The following ARHGAP18 variants were observed in gnomAD, a reference collection of about 807,000 sequenced individuals.
ARHGAP18 encodes the protein Rho GTPase activating protein 18.
A neutral mutation model predicts 86.2 loss-of-function variants in ARHGAP18; 67 were observed. The ratio of observed to expected loss-of-function variants is 0.78; its 90% CI spans 0.64 to 0.95. The LOEUF is 0.95. Among genes scored for constraint, ARHGAP18 ranks in the 40% least tolerant of loss-of-function variants. The probability of loss-of-function intolerance (pLI) is 0.00; values close to 1 mark genes in which losing one functional copy is unlikely to be tolerated. For missense variants in ARHGAP18, 691 were observed against 780.4 expected, an observed-to-expected ratio of 0.89 and a Z score of 1.37; for synonymous variants, 283 against 280.4, an observed-to-expected ratio of 1.01 and a Z score of -0.09.
intron 1 of ARHGAP18, among the ~76,000 whole-genome samples, chr6:129,706,058 A>G (rs964815536): frequency 1.3e-5 from 2 of 152,242 alleles, no homozygotes; most frequent in African/African-American, 4.8e-5. Flanking sequence ...CTCACTCATC[A>G]GTCCATTCAG....
At chr6:129,632,265 G>A (rs1274269182) in intron 4 of ARHGAP18, among the ~76,000 whole-genome samples, 1 of 152,164 alleles carries the variant, frequency 6.6e-6, no homozygotes, top group Non-Finnish European at 1.5e-5. Context: ...ACATTCTCTT[G>A]TTATTCTGAT....
intron 1 of ARHGAP18, among the ~76,000 whole-genome samples, chr6:129,681,773 A>G (rs1484743702): frequency 1.3e-5 from 2 of 152,266 alleles, no homozygotes; most frequent in Admixed American, 1.3e-4. Flanking sequence ...ACTGTGAGAC[A>G]GTCCAAAGAC....
chr6:129,625,233 G>T (rs1355625106), intron 5 of ARHGAP18, among the ~76,000 whole-genome samples: 1 of 62,304 alleles, frequency 1.6e-5, no homozygotes, highest in East Asian at 4.5e-4. Context: ...TATGATATAT[G>T]ATATATATTT....
intron 8 of ARHGAP18, among the ~76,000 whole-genome samples, chr6:129,610,196 G>A (rs1466926891): frequency 6.6e-6 from 1 of 152,216 alleles, no homozygotes; most frequent in Non-Finnish European, 1.5e-5. Context: ...AGTAGTTAAT[G>A]GCTGCTTCCA....
At position 129,625,428 on chromosome 6, in the gene ARHGAP18, T is replaced by G. The variant is rs181338724; in HGVS notation, c.786+3925A>C. Among the ~76,000 whole-genome samples the G allele has an allele frequency of 1.0e-4, 4 of 39,462 alleles. 1 individual carries two copies. The highest frequency in any genetic ancestry group is 1.3e-4 in the Non-Finnish European group (3 of 23,726). The allele number at this position is 39,462 out of a possible 152,430, so 25.9% of individuals were successfully genotyped here. On this transcript the variant is annotated intron_variant, in intron 5 of 14. Transcript: ENST00000368149. Reference sequence around the variant, plus strand: ...ATTATATATTATATATAATATATATTATATATAATATATATTTTATATTAT... The same window carrying G: ...ATTATATATTATATATAATATATATGATATATAATATATATTTTATATTAT...
At position 129,649,137 on chromosome 6, in the gene ARHGAP18, A is replaced by G. The variant is rs139479027; in HGVS notation, c.114-7119T>C. On this transcript the variant is annotated intron_variant, in intron 1 of 14. Transcript: ENST00000368149. ...ATCTCTTCTATCTGACTCAAATGCT[A>G]TAGTCTTAAGGATGTACTGAATTTC... Among the ~76,000 whole-genome samples the G allele has an allele frequency of 2.8e-4, 42 of 152,360 alleles. No homozygotes were observed. In the East Asian group the frequency reaches 7.3e-3, roughly 27 times the overall value.
chr6:129,618,900 C>G, intron 5 of ARHGAP18, 48 bp from the exon 6 acceptor site: 1 of 1,510,100 alleles, frequency 6.6e-7, no homozygotes, highest in Non-Finnish European at 9.0e-7. Flanking sequence ...TACCTAACCT[C>G]CATTGTAATG....
intron 1 of ARHGAP18, among the ~76,000 whole-genome samples, chr6:129,674,301 T>C (rs1433254777): frequency 6.6e-6 from 1 of 152,200 alleles, no homozygotes; most frequent in Non-Finnish European, 1.5e-5. Context: ...TGAATGTCAC[T>C]TAATCTTTCT....
intron 1 of ARHGAP18, among the ~76,000 whole-genome samples, chr6:129,658,564 T>C (rs978754544): frequency 1.3e-4 from 20 of 152,174 alleles, no homozygotes; most frequent in African/African-American, 4.6e-4. Context: ...GACATCAGGG[T>C]TGAGGATGCA....
chr6:129,581,706 T>C (rs1788293329), intron 13 of ARHGAP18, among the ~76,000 whole-genome samples: 1 of 152,176 alleles, frequency 6.6e-6, no homozygotes, highest in Non-Finnish European at 1.5e-5. Context: ...ATTATACATA[T>C]ATTGTATATC....
At position 129,625,162 on chromosome 6, in the gene ARHGAP18, TA is replaced by T. The variant is rs1562696466; in HGVS notation, c.786+4190del. On this transcript the variant is annotated intron_variant, in intron 5 of 14. Transcript: ENST00000368149. ...ATATATTATATATTATATAGATATA[TA>T]TTATATATGATATATTATATATTAT... 1.9e-4 allele frequency among the ~76,000 whole-genome samples: 11 copies of T among 57,698 alleles called. 2 individuals carry two copies. The South Asian group carries it at 2.5e-3, about 13-fold the overall frequency. The allele number at this position is 57,698 out of a possible 152,430, so 37.9% of individuals were successfully genotyped here.
chr6:129,631,608 T>A lies in ARHGAP18; in HGVS notation c.617-2086A>T, dbSNP rs1387117985. On this transcript the variant is annotated intron_variant, in intron 4 of 14. Transcript: ENST00000368149. Reference sequence around the variant, plus strand: ...CTTAAGGTCCTAAAATAAATAAAATTTCTGTCATCTAGTCTCTTTTTAAGT... The same window carrying A: ...CTTAAGGTCCTAAAATAAATAAAATATCTGTCATCTAGTCTCTTTTTAAGT... Among the ~76,000 whole-genome samples, 4 of 152,206 alleles carry A rather than the reference T, an allele frequency of 2.6e-5. No homozygotes were observed. The South Asian group carries it at 8.3e-4, about 32-fold the overall frequency.
At chr6:129,634,197 C>A in intron 3 of ARHGAP18, 92 bp from the exon 4 acceptor site, 2 of 1,073,332 alleles carry the variant, frequency 1.9e-6, no homozygotes, top group Non-Finnish European at 2.8e-6. Context: ...CTTTAGAGTA[C>A]AAGACATGTA....
chr6:129,638,311 T>C (rs1773375099), intron 3 of ARHGAP18, 83 bp downstream of exon 3: 3 of 1,352,760 alleles, frequency 2.2e-6, no homozygotes, highest in African/African-American at 2.9e-5. Context: ...CATTACGTTT[T>C]TAATCATTTG....
At chr6:129,683,230 C>T (rs1183203647) in intron 1 of ARHGAP18, among the ~76,000 whole-genome samples, 4 of 152,028 alleles carry the variant, frequency 2.6e-5, no homozygotes, top group African/African-American at 9.7e-5. Context: ...CGCCACCACG[C>T]CCGGCTAACT....
At chr6:129,674,924 T>C (rs1774204948) in intron 1 of ARHGAP18, among the ~76,000 whole-genome samples, 1 of 152,212 alleles carries the variant, frequency 6.6e-6, no homozygotes, top group Non-Finnish European at 1.5e-5. Context: ...TTCATTTTTA[T>C]AAGGTGTCGC....
At chr6:129,683,867 G>A (rs376321118) in intron 1 of ARHGAP18, among the ~76,000 whole-genome samples, 15 of 152,224 alleles carry the variant, frequency 9.9e-5, no homozygotes, top group African/African-American at 3.1e-4. Context: ...TAACCACGGC[G>A]GGGGGGAGTT....
intron 12 of ARHGAP18, among the ~76,000 whole-genome samples, chr6:129,594,130 A>G (rs1039775955): frequency 6.6e-6 from 1 of 152,130 alleles, no homozygotes; most frequent in Non-Finnish European, 1.5e-5. Flanking sequence ...TAAAAATATT[A>G]CCTTGAAGAA....
intron 1 of ARHGAP18, among the ~76,000 whole-genome samples, chr6:129,686,975 TTTC>T (rs1271392594): frequency 0.045 from 2,499 of 55,292 alleles, 73 homozygotes; most frequent in Admixed American, 0.13. Flanking sequence ...TTCTTTTTTT[TTTC>T]TTTTTTTTTT....
Sources: allele counts gnomAD v4.1 joint callset (sites outside exome capture counted in the v4.1 genomes callset), GRCh38; gene constraint gnomAD v4.1.1; transcripts MANE v1.5; gene names NCBI Gene and HGNC (gene_info 2026-07-23, HGNC 2026-07-21).